LRP8: variants seen among roughly 807,000 people sequenced by gnomAD.
LRP8 encodes the protein LDL receptor related protein 8.
LRP8 carries 46 observed loss-of-function variants against 111.6 expected under a neutral mutation model. That is an observed-to-expected ratio of 0.41 (90% CI 0.33 to 0.53). The LOEUF is 0.53. Ranked by LOEUF, LRP8 falls within the 20% of genes least tolerant of loss-of-function variation. The probability of loss-of-function intolerance (pLI) is 0.20; values close to 1 mark genes in which losing one functional copy is unlikely to be tolerated. For missense variants in LRP8, 959 were observed against 1,297.4 expected, an observed-to-expected ratio of 0.74 and a Z score of 4.01; for synonymous variants, 464 against 511.2, an observed-to-expected ratio of 0.91 and a Z score of 1.24.
At chr1:53,274,278 C>T (rs1402912272) in intron 6 of LRP8, among the ~76,000 whole-genome samples, 9 of 152,260 alleles carry the variant, frequency 5.9e-5, no homozygotes, top group Admixed American at 5.9e-4. Context: ...ATGTGCTTCA[C>T]CTGGCTGCCT....
Position 53,262,235 on chromosome 1 carries a change from G to A in LRP8, c.1775-28C>T. On this transcript the variant is annotated intron_variant, in intron 11 of 18. Transcript: ENST00000306052. This position sits in a 1 kb window ranked among gnomAD's most constrained non-coding sequence, Gnocchi z 4.8. ...TGGGAAGGAAGCAGGATCAGGTCAT[G>A]AACCTGGGACCCCAGTCTGGAGCTC... 1 of 1,611,852 alleles carries A rather than the reference G, an allele frequency of 6.2e-7. No individual in the cohort carries two copies. The highest frequency in any genetic ancestry group is 8.5e-7 in the Non-Finnish European group (1 of 1,179,600).
chr1:53,290,999 A>G (rs1405276705), intron 2 of LRP8, among the ~76,000 whole-genome samples: 1 of 152,138 alleles, frequency 6.6e-6, no homozygotes, highest in Non-Finnish European at 1.5e-5. Flanking sequence ...TGGACCAAGC[A>G]TCCAGGACCC....
At chr1:53,272,626 C>T in intron 6 of LRP8, 1 of 1,289,636 alleles carries the variant, frequency 7.8e-7, no homozygotes, top group African/African-American at 1.5e-5. Context: ...TCCTGTTTCC[C>T]AGGAATGTTG....
chr1:53,262,608 G>T lies in LRP8; in HGVS notation c.1656-44C>A. 1 of 1,504,932 alleles carries T rather than the reference G, an allele frequency of 6.6e-7. No individual in the cohort carries two copies. The highest frequency in any genetic ancestry group is 1.1e-5 in the South Asian group (1 of 88,816). The allele number at this position is 1,504,932 out of a possible 1,614,324, so 93.2% of individuals were successfully genotyped here. A position where few individuals can be genotyped will look rare whatever the true frequency, so the allele number is the denominator to read the frequency against. On this transcript the variant is annotated intron_variant, in intron 10 of 18. Coordinates refer to ENST00000306052, the MANE Select transcript of LRP8 (RefSeq NM_004631.5). This position sits in a 1 kb window ranked among gnomAD's most constrained non-coding sequence, Gnocchi z 4.8. ...CAATTTGCCTTCTTGCTGGGGACAT[G>T]ACCGGGGTGGTCTGAGTCACAAGAG...
At chr1:53,320,063 A>T (rs1471625585) in intron 2 of LRP8, among the ~76,000 whole-genome samples, 2 of 152,276 alleles carry the variant, frequency 1.3e-5, no homozygotes. Flanking sequence ...CTCCTCTGCG[A>T]AATGCAGTCA....
rs1645662289 is a variant in LRP8 at position 53,242,615 on chromosome 1, T to C, written c.*4403A>G. 6.6e-6 allele frequency: 1 copy of C among 152,142 alleles called. No individual in the cohort carries two copies. Among genetic ancestry groups the C allele is most frequent in the South Asian group, 2.1e-4 (1 of 4,828 alleles). The allele number at this position is 152,142 out of a possible 1,614,324, so 9.4% of individuals were successfully genotyped here. On this transcript the variant is annotated 3_prime_UTR_variant, in exon 19 of 19. Coordinates refer to ENST00000306052, the MANE Select transcript of LRP8 (RefSeq NM_004631.5). ...TGACACAACATTCTAACATGCCTGA[T>C]TCTTACATCAAATATGGTAACTTTG...
chr1:53,264,945 T>C (rs554286162), intron 9 of LRP8, among the ~76,000 whole-genome samples: 2 of 152,198 alleles, frequency 1.3e-5, no homozygotes, highest in East Asian at 1.9e-4. Flanking sequence ...CGCCAAGGAA[T>C]TAGGATTTCT....
intron 3 of LRP8, among the ~76,000 whole-genome samples, chr1:53,289,181 A>C (rs1648165175): frequency 6.6e-6 from 1 of 152,228 alleles, no homozygotes; most frequent in African/African-American, 2.4e-5. Flanking sequence ...GCATTAATGC[A>C]CACAGAGAGC....
chr1:53,269,380 A>T (rs1340147079), intron 8 of LRP8, among the ~76,000 whole-genome samples: 1 of 151,990 alleles, frequency 6.6e-6, no homozygotes, highest in Non-Finnish European at 1.5e-5. Flanking sequence ...CAGTGGCATC[A>T]TAACTCACTG....
intron 2 of LRP8, among the ~76,000 whole-genome samples, chr1:53,311,668 C>T (rs766659276): frequency 2.6e-5 from 4 of 151,724 alleles, no homozygotes; most frequent in African/African-American, 7.3e-5. Flanking sequence ...GCCTTCTCTT[C>T]CATCTGTCTC....
In LRP8 at chr1:53,242,389, C is replaced by T. The variant is rs1035165506; in HGVS notation, c.*4629G>A. 6.6e-6 allele frequency: 1 copy of T among 152,136 alleles called. No individual in the cohort carries two copies. The highest frequency in any genetic ancestry group is 1.5e-5 in the Non-Finnish European group (1 of 68,018). The allele number at this position is 152,136 out of a possible 1,614,324, so 9.4% of individuals were successfully genotyped here. A position where few individuals can be genotyped will look rare whatever the true frequency, so the allele number is the denominator to read the frequency against. ...TTTTTTTTAAATGAATTTAATCTCT[C>T]TCTAGAAACAGTGCACTGATTTTAC... is the stretch of plus-strand genomic sequence containing the variant. On this transcript the variant is annotated 3_prime_UTR_variant, in exon 19 of 19. Transcript: ENST00000306052.
chr1:53,301,030 G>T (rs1223475330), intron 2 of LRP8, among the ~76,000 whole-genome samples: 1 of 152,184 alleles, frequency 6.6e-6, no homozygotes, highest in Non-Finnish European at 1.5e-5. Flanking sequence ...GGTGTGGGGG[G>T]TGGGGTGGAG....
intron 2 of LRP8, among the ~76,000 whole-genome samples, chr1:53,309,968 G>A (rs1652694884): frequency 6.6e-6 from 1 of 152,058 alleles, no homozygotes; most frequent in Non-Finnish European, 1.5e-5. Context: ...CACCAGAGAT[G>A]GGAGTCCCCA....
Position 53,246,885 on chromosome 1 carries a change from TA to T in LRP8, c.*132del, listed in dbSNP as rs151335060. 8,070 of 697,382 alleles carry T rather than the reference TA, an allele frequency of 0.012. 264 individuals are homozygous for T. The highest frequency in any genetic ancestry group is 0.1 in the African/African-American group (5,230 of 52,210). The allele number at this position is 697,382 out of a possible 1,614,324, so 43.2% of individuals were successfully genotyped here. On this transcript the variant is annotated 3_prime_UTR_variant, in exon 19 of 19. Transcript: ENST00000306052. ...TGGTTACCTTTCCGCAACATAAATT[TA>T]AAAAAAAAATCACACACACACATAC... is the stretch of plus-strand genomic sequence containing the variant.
rs888677151 is a variant in LRP8, at chr1:53,260,791, A to G, written c.1915-186T>C. Among the ~76,000 whole-genome samples, 4 of 152,000 alleles carry G rather than the reference A, an allele frequency of 2.6e-5. No homozygotes were observed. In the South Asian group the frequency reaches 8.3e-4, roughly 32 times the overall value. ...GATGCACGTCTCCTTGTTCCCTTCTATCTTAGAGGATTATTCAGTGATTCT... is the reference window on the plus strand; with the variant it reads ...GATGCACGTCTCCTTGTTCCCTTCTGTCTTAGAGGATTATTCAGTGATTCT... On this transcript the variant is annotated intron_variant, in intron 12 of 18. Coordinates refer to ENST00000306052, the MANE Select transcript of LRP8 (RefSeq NM_004631.5).
intron 5 of LRP8, among the ~76,000 whole-genome samples, chr1:53,276,413 G>A (rs966492672): frequency 1.6e-4 from 24 of 151,786 alleles, no homozygotes; most frequent in Admixed American, 1.6e-3. Context: ...CTGGGTGGAG[G>A]GGTTCGGGGG....
intron 2 of LRP8, among the ~76,000 whole-genome samples, chr1:53,316,064 G>A (rs535032736): frequency 4.3e-4 from 65 of 152,356 alleles, no homozygotes; most frequent in Non-Finnish European, 1.9e-4. Context: ...AAGAAGAACC[G>A]ACTGGCTCAT....
rs1218798116 is a variant in LRP8 at position 53,247,014 on chromosome 1, A to T, written c.*4T>A. On this transcript the variant is annotated 3_prime_UTR_variant, in exon 19 of 19. Coordinates refer to ENST00000306052, the MANE Select transcript of LRP8 (RefSeq NM_004631.5). ...CATGAGGCACGAAGGGGGTGATCCC[A>T]TCCTCAGGGTAGTCCATCATCTTCA... 1.9e-6 allele frequency: 3 copies of T among 1,606,444 alleles called. No individual in the cohort carries two copies. Among genetic ancestry groups the T allele is most frequent in the African/African-American group, 1.3e-5 (1 of 74,732 alleles).
chr1:53,258,614 C>CT (rs911602683), intron 13 of LRP8, 143 bp from the exon 14 acceptor site: 10 of 687,106 alleles, frequency 1.5e-5, no homozygotes, highest in East Asian at 5.6e-5. Flanking sequence ...CTTTTTCTTT[C>CT]TTTTTTTATC....
Sources: allele counts gnomAD v4.1 joint callset (sites outside exome capture counted in the v4.1 genomes callset), GRCh38; gene constraint gnomAD v4.1.1; non-coding constraint Gnocchi (gnomAD v3.1); transcripts MANE v1.5; gene names NCBI Gene and HGNC (gene_info 2026-07-23, HGNC 2026-07-21).